SHISAL1: variants seen among roughly 807,000 people sequenced by gnomAD.
The protein encoded by SHISAL1 is shisa like 1.
In SHISAL1, 9 loss-of-function variants were observed where a neutral mutation model predicts 22.6. The ratio of observed to expected loss-of-function variants is 0.40; its 90% CI spans 0.24 to 0.70. The LOEUF is 0.70. SHISAL1 is among the 30% of genes least tolerant of loss of function. SHISAL1 has a pLI of 0.39. For missense variants in SHISAL1, 246 were observed against 270.6 expected, an observed-to-expected ratio of 0.91 and a Z score of 0.64; for synonymous variants, 119 against 115.4, an observed-to-expected ratio of 1.03 and a Z score of -0.20.
intron 4 of SHISAL1, among the ~76,000 whole-genome samples, chr22:44,278,168 A>G (rs12483979): frequency 0.074 from 11,258 of 152,154 alleles, 935 homozygotes; most frequent in Admixed American, 0.17. Context: ...TGAACATAAA[A>G]CAGGCAGAAA....
chr22:44,249,769 C>A (rs2055034227), intron 4 of SHISAL1, 84 bp from the exon 5 acceptor site: 1 of 766,736 alleles, frequency 1.3e-6, no homozygotes, highest in African/African-American at 1.7e-5. Context: ...CCGGAAGAAG[C>A]CAGGTTTTCT....
intron 4 of SHISAL1, among the ~76,000 whole-genome samples, chr22:44,252,699 A>G (rs1165201898): frequency 6.6e-6 from 1 of 151,784 alleles, no homozygotes; most frequent in Non-Finnish European, 1.5e-5. Context: ...GGTTTCATAG[A>G]AAAGGATGGG....
intron 1 of SHISAL1, among the ~76,000 whole-genome samples, chr22:44,306,965 C>G (rs1428018636): frequency 1.3e-5 from 2 of 151,528 alleles, no homozygotes; most frequent in Non-Finnish European, 2.9e-5. Context: ...TGGAGGGGAC[C>G]TGGGCTTAGG....
chr22:44,263,710 G>A (rs1459041009), intron 4 of SHISAL1, among the ~76,000 whole-genome samples: 1 of 152,160 alleles, frequency 6.6e-6, no homozygotes, highest in Non-Finnish European at 1.5e-5. Flanking sequence ...CATCTGGAAG[G>A]GGCCACAAGC....
intron 4 of SHISAL1, among the ~76,000 whole-genome samples, chr22:44,275,736 T>C (rs74916437): frequency 5.3e-5 from 8 of 152,196 alleles, no homozygotes; most frequent in African/African-American, 7.2e-5. Flanking sequence ...CTCCGAGCCT[T>C]GGTGTCTCCT....
chr22:44,328,531 G>A, the SHISAL1 span, among the ~76,000 whole-genome samples: 2 of 152,156 alleles, frequency 1.3e-5, no homozygotes, highest in Non-Finnish European at 2.9e-5. Context: ...CAGCTGAAGT[G>A]GCCAGACCTG....
At position 44,306,727 on chromosome 22, in the gene SHISAL1, G is replaced by A. The variant is rs1415409475; in HGVS notation, c.-32-5750C>T. Among the ~76,000 whole-genome samples the A allele has an allele frequency of 1.3e-4, 17 of 130,522 alleles. 1 individual carries two copies. 85.6% of individuals were successfully genotyped at this position (130,522 alleles called of 152,430 possible). On this transcript the variant is annotated intron_variant, in intron 1 of 4. Transcript: ENST00000381176. Reference sequence around the variant, plus strand: ...CTCAGGGAGCTCTGATGACGATGGCGTGTGGAGGGGACCTGGGCTCGGGGA... The same window carrying A: ...CTCAGGGAGCTCTGATGACGATGGCATGTGGAGGGGACCTGGGCTCGGGGA...
chr22:44,288,566 G>A (rs968539957), intron 3 of SHISAL1, among the ~76,000 whole-genome samples: 11 of 152,236 alleles, frequency 7.2e-5, no homozygotes, highest in South Asian at 2.1e-4. Context: ...GCGTGAATGC[G>A]GGAGGTGGAG....
the SHISAL1 span, among the ~76,000 whole-genome samples, chr22:44,318,486 C>T: frequency 1.4e-4 from 22 of 152,344 alleles, no homozygotes; most frequent in African/African-American, 5.3e-4. Context: ...ACAGCCATAG[C>T]TAGAGAGAGG....
At chr22:44,280,585 G>A (rs777542227) in intron 4 of SHISAL1, among the ~76,000 whole-genome samples, 3 of 152,152 alleles carry the variant, frequency 2.0e-5, no homozygotes, top group East Asian at 1.9e-4. Context: ...GGAGGGGGCC[G>A]CTCAGGTAGG....
chr22:44,319,355 C>G, the SHISAL1 span, among the ~76,000 whole-genome samples: 6 of 152,348 alleles, frequency 3.9e-5, no homozygotes, highest in Admixed American at 3.9e-4. Flanking sequence ...GACTTGGACC[C>G]GAGCTGGTTG....
intron 4 of SHISAL1, among the ~76,000 whole-genome samples, chr22:44,267,091 T>G (rs4823211): frequency 0.28 from 43,009 of 151,878 alleles, 10,125 homozygotes; most frequent in African/African-American, 0.62. Context: ...ACGTGGGCAC[T>G]GCAGGCAGGG....
At chr22:44,330,571 G>A in the SHISAL1 span, among the ~76,000 whole-genome samples, 1 of 152,208 alleles carries the variant, frequency 6.6e-6, no homozygotes, top group Admixed American at 6.5e-5. Flanking sequence ...ACCCTAGGGG[G>A]CATGGACCCG....
chr22:44,270,493 C>T (rs1368953548), intron 4 of SHISAL1, among the ~76,000 whole-genome samples: 1 of 152,162 alleles, frequency 6.6e-6, no homozygotes, highest in East Asian at 1.9e-4. Flanking sequence ...ACTTGAGTTT[C>T]CACACTTGTG....
intron 1 of SHISAL1, among the ~76,000 whole-genome samples, chr22:44,303,260 G>C (rs1279140627): frequency 1.3e-5 from 2 of 152,026 alleles, no homozygotes; most frequent in East Asian, 1.9e-4. Flanking sequence ...TATGTGAATT[G>C]TGTTCCCCCC....
At chr22:44,254,470 C>T (rs190630752) in intron 4 of SHISAL1, among the ~76,000 whole-genome samples, 1 of 152,204 alleles carries the variant, frequency 6.6e-6, no homozygotes, top group Non-Finnish European at 1.5e-5. Context: ...AAGTGATTCC[C>T]CTGCCCTAGC....
At chr22:44,256,540 A>T in intron 4 of SHISAL1, among the ~76,000 whole-genome samples, 1 of 152,232 alleles carries the variant, frequency 6.6e-6, no homozygotes, top group African/African-American at 2.4e-5. Flanking sequence ...CCCAAGGCTG[A>T]ATCCCTGATC....
chr22:44,327,240 GCACACACACACACACACACACACACACA>G, the SHISAL1 span, among the ~76,000 whole-genome samples: 1 of 144,922 alleles, frequency 6.9e-6, no homozygotes, highest in Non-Finnish European at 1.5e-5. Context: ...TGGGGGGCGC[GCACACACACACACACACACACACACACA>G]CACACACACA....
intron 4 of SHISAL1, among the ~76,000 whole-genome samples, chr22:44,257,789 T>C (rs2055094632): frequency 6.6e-6 from 1 of 152,194 alleles, no homozygotes; most frequent in African/African-American, 2.4e-5. Context: ...GGAGCTGGTC[T>C]TCAGGGGCAA....
Sources: gnomAD v4.1 joint callset for allele counts (sites outside exome capture counted in the v4.1 genomes callset) on GRCh38, gnomAD v4.1.1 for gene constraint, MANE v1.5 for transcripts, NCBI Gene and HGNC (gene_info 2026-07-23, HGNC 2026-07-21) for gene names.